The following OSBPL10 variants were observed in gnomAD, a reference collection of about 807,000 sequenced individuals.
OSBPL10 encodes the protein oxysterol-binding protein-related protein 10.
A neutral mutation model predicts 81.7 loss-of-function variants in OSBPL10; 49 were observed. That is an observed-to-expected ratio of 0.60 (90% CI 0.48 to 0.76). OSBPL10 has a LOEUF of 0.76. OSBPL10 is among the 30% of genes least tolerant of loss of function. The pLI, the probability that OSBPL10 is intolerant of heterozygous loss-of-function variation, is 0.00. For missense variants in OSBPL10, 923 were observed against 987.8 expected, an observed-to-expected ratio of 0.93 and a Z score of 0.88; for synonymous variants, 419 against 383.6, an observed-to-expected ratio of 1.09 and a Z score of -1.08.
intron 1 of OSBPL10, among the ~76,000 whole-genome samples, chr3:31,915,591 A>G (rs905410450): frequency 1.3e-5 from 2 of 152,156 alleles, no homozygotes; most frequent in African/African-American, 2.4e-5. Context: ...GCAACAATAA[A>G]AACTTGGGGC....
chr3:32,018,623 T>A (rs1321765976), intron 2 of OSBPL10, among the ~76,000 whole-genome samples: 1 of 152,102 alleles, frequency 6.6e-6, no homozygotes, highest in South Asian at 2.1e-4. Flanking sequence ...GGAAGATCAT[T>A]TGAGCCCAGG....
chr3:31,963,399 A>G (rs565748640), intron 1 of OSBPL10, among the ~76,000 whole-genome samples: 7 of 152,302 alleles, frequency 4.6e-5, no homozygotes, highest in African/African-American at 1.7e-4. Flanking sequence ...TTATAGAACC[A>G]TATGATGATC....
intron 2 of OSBPL10, among the ~76,000 whole-genome samples, chr3:32,016,904 G>A (rs1444220650): frequency 2.0e-5 from 3 of 152,144 alleles, no homozygotes; most frequent in African/African-American, 4.8e-5. Flanking sequence ...CGTATGTAAA[G>A]ACCTGGCACC....
At chr3:32,052,170 C>T (rs1262277532) in intron 1 of OSBPL10, among the ~76,000 whole-genome samples, 1 of 150,976 alleles carries the variant, frequency 6.6e-6, no homozygotes, top group Non-Finnish European at 1.5e-5. Flanking sequence ...TCACTTGAGC[C>T]TGGGAGGTAG....
At chr3:31,956,068 G>C (rs1697999124) in intron 1 of OSBPL10, among the ~76,000 whole-genome samples, 2 of 152,284 alleles carry the variant, frequency 1.3e-5, no homozygotes, top group South Asian at 4.1e-4. Flanking sequence ...CATTGATCTT[G>C]GTTCTCCCAG....
chr3:31,945,415 G>A (rs904348953), intron 1 of OSBPL10, among the ~76,000 whole-genome samples: 1 of 152,154 alleles, frequency 6.6e-6, no homozygotes, highest in East Asian at 1.9e-4. Context: ...AGTGACATAC[G>A]ATCCAGCCCT....
chr3:31,711,440 T>C (rs544442743), intron 6 of OSBPL10, among the ~76,000 whole-genome samples: 2 of 152,364 alleles, frequency 1.3e-5, no homozygotes, highest in East Asian at 3.9e-4. Flanking sequence ...AATTCTTTCA[T>C]GGAGGAATCC....
At chr3:32,019,928 T>G (rs1699346874) in intron 2 of OSBPL10, among the ~76,000 whole-genome samples, 1 of 152,212 alleles carries the variant, frequency 6.6e-6, no homozygotes, top group African/African-American at 2.4e-5. Context: ...GGTGCTGCTC[T>G]GATGGGTGGT....
chr3:32,071,601 G>A (rs1699829118), intron 1 of OSBPL10, among the ~76,000 whole-genome samples: 1 of 152,186 alleles, frequency 6.6e-6, no homozygotes, highest in Non-Finnish European at 1.5e-5. Context: ...TCTCCATGCG[G>A]CGGCTGCCAC....
chr3:31,665,993 C>G (rs1402835945), intron 10 of OSBPL10, among the ~76,000 whole-genome samples: 1 of 152,132 alleles, frequency 6.6e-6, no homozygotes, highest in Non-Finnish European at 1.5e-5. Context: ...CCAGGAGAGT[C>G]ACTTGAGAGC....
chr3:31,994,803 C>A lies in OSBPL10; in HGVS notation n.298+51688G>T, dbSNP rs576515351. On this transcript the variant is annotated intron_variant and non_coding_transcript_variant, in intron 2 of 3. Transcript: ENST00000479173. ...CCTGAAAGGCCATAAAACAAATACC[C>A]CAGTATCAGGGGAACTTGCCCCCAA... Among the ~76,000 whole-genome samples the A allele has an allele frequency of 2.0e-5, 3 of 152,270 alleles. No individual in the cohort carries two copies. The South Asian group carries it at 6.2e-4, about 32-fold the overall frequency.
At chr3:31,769,889 C>A (rs764355516) in intron 4 of OSBPL10, among the ~76,000 whole-genome samples, 13 of 68,924 alleles carry the variant, frequency 1.9e-4, no homozygotes, top group Admixed American at 6.2e-4. Context: ...GAAAATAGTT[C>A]ATGGATCCCC....
At chr3:31,741,783 A>G (rs9825154) in intron 5 of OSBPL10, among the ~76,000 whole-genome samples, 73,771 of 152,076 alleles carry the variant, frequency 0.49, 19,832 homozygotes, top group African/African-American at 0.73. Context: ...GGAGAGACCC[A>G]GTGGAGTATG....
intron 1 of OSBPL10, among the ~76,000 whole-genome samples, chr3:31,948,207 T>A (rs1207724631): frequency 2.0e-5 from 3 of 152,128 alleles, no homozygotes; most frequent in African/African-American, 7.2e-5. Flanking sequence ...ACCAGCAACA[T>A]CCACAATGGA....
intron 1 of OSBPL10, among the ~76,000 whole-genome samples, chr3:32,055,782 A>T (rs1575093701): frequency 6.6e-6 from 1 of 152,188 alleles, no homozygotes; most frequent in South Asian, 2.1e-4. Flanking sequence ...TCATCTACAC[A>T]GTTCCTGTAC....
At chr3:31,938,687 G>A (rs560716057) in intron 1 of OSBPL10, among the ~76,000 whole-genome samples, 1 of 152,034 alleles carries the variant, frequency 6.6e-6, no homozygotes, top group East Asian at 1.9e-4. Context: ...TAGAAATGGG[G>A]TTTCACTATG....
At chr3:31,988,873 C>A in intron 2 of OSBPL10, 2 of 635,812 alleles carry the variant, frequency 3.1e-6, no homozygotes, top group Non-Finnish European at 5.4e-6. Flanking sequence ...AGCTTGACTA[C>A]AACCCAGAGA....
At chr3:31,733,492 T>A (rs562724230) in intron 5 of OSBPL10, 81 bp from the exon 6 acceptor site, 111 of 1,550,782 alleles carry the variant, frequency 7.2e-5, no homozygotes, top group Non-Finnish European at 8.9e-5. Flanking sequence ...ACTCACTGTA[T>A]GAAGAGACCT....
intron 3 of OSBPL10, among the ~76,000 whole-genome samples, chr3:31,853,473 G>T (rs989260463): frequency 2.0e-5 from 3 of 152,154 alleles, no homozygotes; most frequent in African/African-American, 7.2e-5. Context: ...GGCAAGAGTG[G>T]TAGGGAAGGT....
Sources: allele counts gnomAD v4.1 joint callset (sites outside exome capture counted in the v4.1 genomes callset), GRCh38; gene constraint gnomAD v4.1.1; transcripts MANE v1.5; gene names NCBI Gene and HGNC (gene_info 2026-07-23, HGNC 2026-07-21).